The following CYP7B1 variants were observed in gnomAD, a reference collection of about 807,000 sequenced individuals.
The protein encoded by CYP7B1 is cytochrome P450 7B1.
CYP7B1 carries 29 observed loss-of-function variants against 42.7 expected under a neutral mutation model. That is an observed-to-expected ratio of 0.68 (90% confidence interval 0.51 to 0.93). The LOEUF (loss-of-function observed/expected upper bound fraction) is 0.93. CYP7B1 is among the 40% of genes least tolerant of loss of function. The pLI, the probability that CYP7B1 is intolerant of heterozygous loss-of-function variation, is 0.00. For missense variants in CYP7B1, 655 were observed against 600.5 expected, an observed-to-expected ratio of 1.09 and a Z score of -0.95; for synonymous variants, 235 against 218.2, an observed-to-expected ratio of 1.08 and a Z score of -0.68.
rs569731728 is a variant in CYP7B1, at chr8:64,647,995, C to T, written c.123-23456G>A. The stretch of plus-strand genomic sequence containing the variant: ...TATGGCTACAATTAGCTGACAGATC[C>T]ATTAATCAATGGATTAATCAATTCA... On this transcript the variant is annotated intron_variant, in intron 1 of 5. Coordinates refer to ENST00000310193, the MANE Select transcript of CYP7B1 (RefSeq NM_004820.5). Among the ~76,000 whole-genome samples, 5 of 152,280 alleles carry T rather than the reference C, an allele frequency of 3.3e-5. No individual in the cohort carries two copies. In the East Asian group the frequency reaches 9.7e-4, roughly 29 times the overall value.
At chr8:64,686,031 A>G (rs1483141555) in intron 1 of CYP7B1, among the ~76,000 whole-genome samples, 149 of 62,190 alleles carry the variant, frequency 2.4e-3, no homozygotes, top group East Asian at 8.9e-3. Flanking sequence ...CCGGCCAGCC[A>G]CCCCGTCCGG....
At chr8:64,653,233 T>C (rs1395186272) in intron 1 of CYP7B1, among the ~76,000 whole-genome samples, 1 of 151,978 alleles carries the variant, frequency 6.6e-6, no homozygotes, top group East Asian at 1.9e-4. Flanking sequence ...AAAAAATTAA[T>C]AAGATAGATA....
intron 1 of CYP7B1, among the ~76,000 whole-genome samples, chr8:64,740,726 C>T (rs2129633271): frequency 6.6e-6 from 1 of 152,078 alleles, no homozygotes; most frequent in South Asian, 2.1e-4. Flanking sequence ...ATGAAAAACT[C>T]TATGCCCACA....
chr8:64,793,596 A>G (rs1585918428), intron 1 of CYP7B1, among the ~76,000 whole-genome samples: 1 of 152,184 alleles, frequency 6.6e-6, no homozygotes, highest in Non-Finnish European at 1.5e-5. Context: ...CTGTAGATGA[A>G]CTGCATTTCG....
In CYP7B1 at chr8:64,731,757, G is replaced by C. The variant is rs1807413086; in HGVS notation, c.122+66709C>G. Among the ~76,000 whole-genome samples, 4 of 152,220 alleles carry C rather than the reference G, an allele frequency of 2.6e-5. No individual in the cohort carries two copies. The South Asian group carries it at 8.3e-4, about 31-fold the overall frequency. ...AATGGTTTCATTCACCATGTCTTTA[G>C]ATTTGGTGACATGGTGTCCTTGTGA... On this transcript the variant is annotated intron_variant, in intron 1 of 5. Transcript: ENST00000310193.
At chr8:64,752,944 A>G (rs1408438029) in intron 1 of CYP7B1, among the ~76,000 whole-genome samples, 1 of 152,166 alleles carries the variant, frequency 6.6e-6, no homozygotes, top group Admixed American at 6.5e-5. Flanking sequence ...GCTACATATT[A>G]AAGAGATCAG....
At chr8:64,778,595 G>A (rs2129666346) in intron 1 of CYP7B1, among the ~76,000 whole-genome samples, 1 of 152,230 alleles carries the variant, frequency 6.6e-6, no homozygotes, top group South Asian at 2.1e-4. Flanking sequence ...AGGAAGGATT[G>A]TTAAGATGAG....
intron 1 of CYP7B1, among the ~76,000 whole-genome samples, chr8:64,668,283 C>A (rs938627787): frequency 6.6e-6 from 1 of 152,046 alleles, no homozygotes; most frequent in African/African-American, 2.4e-5. Flanking sequence ...TATATCTTAG[C>A]GACCATCTAT....
At chr8:64,698,221 C>G (rs1487585305) in intron 1 of CYP7B1, among the ~76,000 whole-genome samples, 2 of 152,090 alleles carry the variant, frequency 1.3e-5, no homozygotes, top group African/African-American at 4.8e-5. Flanking sequence ...AGTGACAAAC[C>G]TGAAAGAAGC....
rs948771650 is a variant in CYP7B1 at position 64,798,722 on chromosome 8, C to T, written c.-135G>A. ...GCCGGAGAGGCTGGCCTGCCCGCAG[C>T]GCAGACAGGAATGTCACCGTGGTCT... On this transcript the variant is annotated 5_prime_UTR_variant, in exon 1 of 6. Coordinates refer to ENST00000310193, the MANE Select transcript of CYP7B1 (RefSeq NM_004820.5). 48 of 985,894 alleles carry T rather than the reference C, an allele frequency of 4.9e-5. 1 individual carries two copies. The highest frequency in any genetic ancestry group is 6.2e-5 in the Non-Finnish European group (45 of 725,050). 61.1% of individuals were successfully genotyped at this position (985,894 alleles called of 1,614,324 possible).
At chr8:64,776,108 A>G (rs1393685119) in intron 1 of CYP7B1, among the ~76,000 whole-genome samples, 1 of 152,152 alleles carries the variant, frequency 6.6e-6, no homozygotes, top group Non-Finnish European at 1.5e-5. Flanking sequence ...TAACTGTAGC[A>G]TTCCAGTGAA....
chr8:64,620,927 T>A (rs187280850), intron 2 of CYP7B1, among the ~76,000 whole-genome samples: 6 of 152,324 alleles, frequency 3.9e-5, no homozygotes, highest in Admixed American at 3.3e-4. Flanking sequence ...GAAAAGTGAA[T>A]AAAGTGATTC....
At chr8:64,743,882 C>T (rs774898628) in intron 1 of CYP7B1, among the ~76,000 whole-genome samples, 2 of 152,124 alleles carry the variant, frequency 1.3e-5, no homozygotes, top group Non-Finnish European at 2.9e-5. Context: ...AGAAATTTAA[C>T]ATCCCCATGA....
chr8:64,682,588 G>T (rs1015697602), intron 1 of CYP7B1, among the ~76,000 whole-genome samples: 1 of 152,064 alleles, frequency 6.6e-6, no homozygotes, highest in Non-Finnish European at 1.5e-5. Flanking sequence ...CTACATCATT[G>T]GCTGATGCTT....
intron 1 of CYP7B1, among the ~76,000 whole-genome samples, chr8:64,736,875 T>A (rs1807496739): frequency 6.6e-6 from 1 of 152,218 alleles, no homozygotes; most frequent in South Asian, 2.1e-4. Flanking sequence ...ATAACAGATA[T>A]GTTATTTTAA....
intron 1 of CYP7B1, among the ~76,000 whole-genome samples, chr8:64,657,413 T>C (rs961558616): frequency 2.6e-5 from 4 of 152,160 alleles, no homozygotes; most frequent in Non-Finnish European, 5.9e-5. Flanking sequence ...CCAGGAGGTG[T>C]TCGGGCTTTC....
intron 4 of CYP7B1, among the ~76,000 whole-genome samples, chr8:64,605,842 T>C (rs998281887): frequency 1.3e-5 from 2 of 152,150 alleles, no homozygotes; most frequent in Admixed American, 1.3e-4. Flanking sequence ...ACTTGCAATT[T>C]AGAAATCACA....
intron 5 of CYP7B1, among the ~76,000 whole-genome samples, chr8:64,597,411 G>T (rs572939429): frequency 6.6e-6 from 1 of 152,166 alleles, no homozygotes; most frequent in African/African-American, 2.4e-5. Flanking sequence ...ACTGATAGAT[G>T]AGAACTATGA....
chr8:64,783,436 AC>A (rs1804464564), intron 1 of CYP7B1, among the ~76,000 whole-genome samples: 1 of 152,192 alleles, frequency 6.6e-6, no homozygotes, highest in African/African-American at 2.4e-5. Context: ...ACTTATCTTA[AC>A]AGCATTTTAA....
Sources: gnomAD v4.1 joint callset for allele counts (sites outside exome capture counted in the v4.1 genomes callset) on GRCh38, gnomAD v4.1.1 for gene constraint, MANE v1.5 for transcripts, NCBI Gene and HGNC (gene_info 2026-07-23, HGNC 2026-07-21) for gene names.